Variants in NRAP observed in about 807,000 individuals in gnomAD.
NRAP encodes nebulin related anchoring protein.
NRAP carries 189 observed loss-of-function variants against 225.9 expected under a neutral mutation model. The ratio of observed to expected loss-of-function variants is 0.84; its 90% CI spans 0.74 to 0.94. The LOEUF (loss-of-function observed/expected upper bound fraction) is 0.94. Ranked by LOEUF, NRAP falls within the 40% of genes least tolerant of loss-of-function variation. The pLI, the probability that NRAP is intolerant of heterozygous loss-of-function variation, is 0.00. For synonymous variants in NRAP, 769 were observed against 790.7 expected, an observed-to-expected ratio of 0.97 and a Z score of 0.46; for missense variants, 2,176 against 2,168.7, an observed-to-expected ratio of 1.00 and a Z score of -0.07.
At position 113,633,141 on chromosome 10, in the gene NRAP, C is replaced by T. The variant is rs180781922; in HGVS notation, c.1575G>A (p.Leu525=). The T allele has an allele frequency of 3.5e-5, 57 of 1,610,464 alleles. No homozygotes were observed. The Admixed American group carries it at 3.7e-4, about 10-fold the overall frequency. Reference sequence around the variant, plus strand: ...TCACCAGCTGAGGAACATCCTGGGGCAATGTGTAATTCAACTTATTTTTCT... The same window carrying T: ...TCACCAGCTGAGGAACATCCTGGGGTAATGTGTAATTCAACTTATTTTTCT... ...DYEKNKLNYT[L]PQDVPQLVKA... is the part of the protein sequence containing the mutation. Residue 525 remains leucine, a synonymous_variant, in exon 16 of 42, where the codon TTG becomes TTA. Transcript: ENST00000359988.
At chr10:113,589,343 C>T in intron 41 of NRAP, 1 of 568,702 alleles carries the variant, frequency 1.8e-6, no homozygotes, top group Non-Finnish European at 3.1e-6. Context: ...CCAGCGAGTC[C>T]CTGACCCTTT....
At chr10:113,601,254 CCCCTCTGGCCCTACCCAGAGCTTT>C (rs1846582475) in intron 35 of NRAP, among the ~76,000 whole-genome samples, 1 of 152,224 alleles carries the variant, frequency 6.6e-6, no homozygotes, top group Admixed American at 6.5e-5. Flanking sequence ...ATCTCTGGGT[CCCCTCTGGCCCTACCCAGAGCTTT>C]CTCTCTGGCC....
Position 113,645,944 on chromosome 10 carries a change from G to GA in NRAP, c.994-4dup, listed in dbSNP as rs35741231. ...TTGAAGTCCTGCCTGTATTTTATCT[G>GA]AAAAAAAAAACACAAAACGGGGCTG... On this transcript the variant is annotated splice_polypyrimidine_tract_variant and splice_region_variant and intron_variant, in intron 10 of 41. Transcript: ENST00000359988. 25,540 of 1,199,528 alleles carry GA rather than the reference G, an allele frequency of 0.021. 30 individuals are homozygous for GA. The highest frequency in any genetic ancestry group is 0.037 in the South Asian group (2,465 of 66,834). The allele number at this position is 1,199,528 out of a possible 1,614,324, so 74.3% of individuals were successfully genotyped here. A position where few individuals can be genotyped will look rare whatever the true frequency, so the allele number is the denominator to read the frequency against.
chr10:113,633,225 T>A (rs1405757739), intron 15 of NRAP, 37 bp from the exon 16 acceptor site: 1 of 1,226,902 alleles, frequency 8.2e-7, no homozygotes, highest in Admixed American at 1.7e-5. Context: ...GGTTTTTATA[T>A]GGGCAGAAAG....
At position 113,645,921 on chromosome 10, in the gene NRAP, G is replaced by C. The variant is rs137938246; in HGVS notation, c.1014C>G (p.Phe338Leu). The change falls in exon 11 of 42, where the codon TTC (phenylalanine) becomes TTG (leucine). Residue 338 changes from phenylalanine (F) to leucine (L), a missense_variant. Phe to Leu is a conservative substitution (Grantham distance 22). Around this residue, in one of 3 missense-constraint regions of NRAP, gnomAD observed 1,708 missense variants for 1,695.5 expected, o/e 1.01. Coordinates refer to ENST00000359988, the MANE Select transcript of NRAP (RefSeq NM_198060.4). ...AATGTGCAGCGCCTTTCATCTTATTGAAGTCCTGCCTGTATTTTATCTGAA... is the reference window on the plus strand; with the variant it reads ...AATGTGCAGCGCCTTTCATCTTATTCAAGTCCTGCCTGTATTTTATCTGAA... ...LASDIKYRQD[F>L]NKMKGAAHYH... is the part of the protein sequence containing the mutation. 4.4e-6 allele frequency: 7 copies of C among 1,582,876 alleles called. No individual in the cohort carries two copies. Among genetic ancestry groups the C allele is most frequent in the Non-Finnish European group, 5.2e-6 (6 of 1,162,036 alleles).
At chr10:113,607,188 G>A (rs900933368) in intron 32 of NRAP, among the ~76,000 whole-genome samples, 42 of 151,220 alleles carry the variant, frequency 2.8e-4, no homozygotes, top group African/African-American at 4.1e-4. Context: ...GCGACAGAGC[G>A]TGACTCTGTC....
chr10:113,630,995 A>G (rs1848543302), intron 18 of NRAP, among the ~76,000 whole-genome samples: 1 of 152,128 alleles, frequency 6.6e-6, no homozygotes, highest in Admixed American at 6.5e-5. Flanking sequence ...GACATTTACC[A>G]AGGTTCCTCT....
chr10:113,648,465 CTCTATA>C (rs1312520804), intron 9 of NRAP, among the ~76,000 whole-genome samples: 31 of 105,276 alleles, frequency 2.9e-4, no homozygotes, highest in African/African-American at 8.7e-4. Flanking sequence ...CTCTCTCTCT[CTCTATA>C]TATATATATA....
intron 9 of NRAP, 43 bp from the exon 10 acceptor site, chr10:113,647,070 C>T: frequency 8.0e-7 from 1 of 1,249,284 alleles, no homozygotes; most frequent in Non-Finnish European, 1.2e-6. Flanking sequence ...TGCTTCCCTC[C>T]CCAGATGGGT....
At chr10:113,629,846 T>A in intron 18 of NRAP, 61 bp from the exon 19 acceptor site, 1 of 1,175,768 alleles carries the variant, frequency 8.5e-7, no homozygotes, top group Non-Finnish European at 1.3e-6. Context: ...GCAGGAGTGA[T>A]GTGAAAATGC....
intron 14 of NRAP, among the ~76,000 whole-genome samples, chr10:113,636,991 A>G (rs886683190): frequency 1.5e-5 from 2 of 137,218 alleles, no homozygotes; most frequent in African/African-American, 5.6e-5. Flanking sequence ...TGGGTGACAG[A>G]GCAAGACTTC....
intron 38 of NRAP, 75 bp from the exon 39 acceptor site, chr10:113,592,376 G>A (rs1846042844): frequency 1.0e-6 from 1 of 974,408 alleles, no homozygotes; most frequent in Non-Finnish European, 1.6e-6. Context: ...TACTCAGCAG[G>A]AGTGGTTCTT....
chr10:113,629,572 T>A lies in NRAP; in HGVS notation c.2040+16A>T. Reference sequence around the variant, plus strand: ...GCAAGAGATGCATGAAGAGAACTGATAATGTGTGGGCTCACCTCGCTCTGG... The same window carrying A: ...GCAAGAGATGCATGAAGAGAACTGAAAATGTGTGGGCTCACCTCGCTCTGG... On this transcript the variant is annotated intron_variant, in intron 19 of 41. Coordinates refer to ENST00000359988, the MANE Select transcript of NRAP (RefSeq NM_198060.4). 1 of 1,566,290 alleles carries A rather than the reference T, an allele frequency of 6.4e-7. No individual in the cohort carries two copies.
chr10:113,599,468 G>A (rs1846471469), intron 35 of NRAP, among the ~76,000 whole-genome samples: 1 of 152,230 alleles, frequency 6.6e-6, no homozygotes, highest in African/African-American at 2.4e-5. Context: ...TAATCCTACA[G>A]GGCCTCTTCA....
At chr10:113,597,231 T>A in intron 36 of NRAP, 47 bp from the exon 37 acceptor site, 1 of 1,221,338 alleles carries the variant, frequency 8.2e-7, no homozygotes, top group South Asian at 1.2e-5. Flanking sequence ...TCCAACATCA[T>A]GCATCTTTCA....
At chr10:113,654,994 A>T (rs1850221330) in intron 4 of NRAP, among the ~76,000 whole-genome samples, 1 of 152,184 alleles carries the variant, frequency 6.6e-6, no homozygotes, top group Non-Finnish European at 1.5e-5. Context: ...CAAGGGAAAG[A>T]GATGGGGAGC....
At chr10:113,636,779 C>T (rs900466606) in intron 14 of NRAP, among the ~76,000 whole-genome samples, 7 of 152,042 alleles carry the variant, frequency 4.6e-5, no homozygotes, top group Non-Finnish European at 1.0e-4. Flanking sequence ...GAGGCCGAGG[C>T]AGGAGGATCA....
chr10:113,591,257 A>G (rs571420468), intron 39 of NRAP, among the ~76,000 whole-genome samples: 1 of 152,246 alleles, frequency 6.6e-6, no homozygotes, highest in Non-Finnish European at 1.5e-5. Context: ...CCATTCTCAC[A>G]TAGGCCACTC....
At chr10:113,646,358 T>C (rs1849506380) in intron 10 of NRAP, among the ~76,000 whole-genome samples, 1 of 151,768 alleles carries the variant, frequency 6.6e-6, no homozygotes, top group Non-Finnish European at 1.5e-5. Flanking sequence ...AGTTCTTTGG[T>C]AAAGGAAAGA....
Sources: allele counts gnomAD v4.1 joint callset (sites outside exome capture counted in the v4.1 genomes callset), GRCh38; gene constraint gnomAD v4.1.1; regional missense constraint gnomAD v4.1.1; transcripts MANE v1.5; gene names NCBI Gene and HGNC (gene_info 2026-07-23, HGNC 2026-07-21).